The following GHR variants were observed in gnomAD, a reference collection of about 807,000 sequenced individuals.
GHR encodes growth hormone receptor.
A neutral mutation model predicts 67.1 loss-of-function variants in GHR; 35 were observed. The ratio of observed to expected loss-of-function variants is 0.52; its 90% CI spans 0.40 to 0.69. GHR has a LOEUF of 0.69. GHR is among the 30% of genes least tolerant of loss of function. GHR has a pLI of 0.00. For missense variants in GHR, 792 were observed against 764.6 expected (o/e 1.04, Z -0.42); for synonymous variants, 272 against 269.1 (o/e 1.01, Z -0.10).
intron 3 of GHR, among the ~76,000 whole-genome samples, chr5:42,634,197 A>G (rs1754059167): frequency 6.6e-6 from 1 of 152,036 alleles, no homozygotes; most frequent in South Asian, 2.1e-4. Context: ...TGAGAATTAT[A>G]AGTGTTGATA....
intron 1 of GHR, among the ~76,000 whole-genome samples, chr5:42,464,768 T>C (rs962704833): frequency 1.3e-5 from 2 of 152,204 alleles, no homozygotes; most frequent in Admixed American, 6.5e-5. Context: ...AATGGCTGTG[T>C]GTGCACACAC....
At chr5:42,660,541 G>C (rs1348338828) in intron 3 of GHR, among the ~76,000 whole-genome samples, 1 of 152,198 alleles carries the variant, frequency 6.6e-6, no homozygotes, top group African/African-American at 2.4e-5. Flanking sequence ...CAGACCTGCA[G>C]CTGAGGGTCC....
At position 42,688,993 on chromosome 5, in the gene GHR, A is replaced by T; in HGVS notation, c.240A>T (p.Gly80=). Reference sequence around the variant, plus strand: ...TTCATCATGGTACAAAGAACCTAGGACCCATACAGCTGTTCTATACCAGAA... The same window carrying T: ...TTCATCATGGTACAAAGAACCTAGGTCCCATACAGCTGTTCTATACCAGAA... ...DEVHHGTKNL[G]PIQLFYTRRN... The change falls in exon 4 of 10, where the codon GGA becomes GGT. Residue 80 remains glycine (G), a synonymous_variant. Coordinates refer to ENST00000230882, the MANE Select transcript of GHR (RefSeq NM_000163.5). 1 of 1,613,738 alleles carries T rather than the reference A, an allele frequency of 6.2e-7. No homozygotes were observed. The highest frequency in any genetic ancestry group is 8.5e-7 in the Non-Finnish European group (1 of 1,179,656).
intron 3 of GHR, among the ~76,000 whole-genome samples, chr5:42,665,249 T>A (rs1465159879): frequency 6.6e-6 from 1 of 152,158 alleles, no homozygotes; most frequent in Non-Finnish European, 1.5e-5. Context: ...CATTACTGGG[T>A]ATATACCCAA....
intron 5 of GHR, among the ~76,000 whole-genome samples, chr5:42,696,034 G>T (rs932958127): frequency 6.6e-6 from 1 of 152,232 alleles, no homozygotes; most frequent in Non-Finnish European, 1.5e-5. Context: ...CAATTGCTTT[G>T]CAAAGACAAT....
At chr5:42,651,684 A>G (rs1387457357) in intron 3 of GHR, among the ~76,000 whole-genome samples, 1 of 152,176 alleles carries the variant, frequency 6.6e-6, no homozygotes, top group Non-Finnish European at 1.5e-5. Flanking sequence ...TTAATCCAGA[A>G]GATGGATGGT....
chr5:42,564,213 A>T (rs11740039), intron 1 of GHR, among the ~76,000 whole-genome samples: 13 of 97,866 alleles, frequency 1.3e-4, no homozygotes, highest in Admixed American at 3.8e-4. Context: ...AATCTCACAA[A>T]GTGTGAGATT....
chr5:42,545,440 A>G (rs1748694918), intron 1 of GHR, among the ~76,000 whole-genome samples: 4 of 152,226 alleles, frequency 2.6e-5, no homozygotes, highest in Admixed American at 2.6e-4. Context: ...TGTTAGAGAC[A>G]AAAAAGGAAT....
At chr5:42,544,624 G>T (rs796690876) in intron 1 of GHR, among the ~76,000 whole-genome samples, 2 of 152,100 alleles carry the variant, frequency 1.3e-5, no homozygotes, top group Non-Finnish European at 2.9e-5. Flanking sequence ...AACTAGAAGC[G>T]ATCTATATCA....
intron 6 of GHR, among the ~76,000 whole-genome samples, chr5:42,702,732 G>A (rs1371222303): frequency 6.6e-6 from 1 of 151,782 alleles, no homozygotes; most frequent in Non-Finnish European, 1.5e-5. Context: ...TTTGAAAATA[G>A]CCATCCTAAC....
chr5:42,719,170 C>T lies in GHR; in HGVS notation c.1663C>T (p.His555Tyr), dbSNP rs767499441. 13 of 1,614,024 alleles carry T rather than the reference C, an allele frequency of 8.1e-6. No homozygotes were observed. The highest frequency in any genetic ancestry group is 1.0e-5 in the Non-Finnish European group (12 of 1,180,014). ...PVAPHIKVES[H>Y]IQPSLNQEDI... ...GGCTCCTCACATCAAGGTTGAATCA[C>T]ACATACAGCCAAGCTTAAACCAAGA... Residue 555 changes from histidine to tyrosine, a missense_variant, in exon 10 of 10, where the codon CAC becomes TAC. Transcript: ENST00000230882.
intron 1 of GHR, among the ~76,000 whole-genome samples, chr5:42,427,344 C>T (rs1324022591): frequency 6.6e-6 from 1 of 152,192 alleles, no homozygotes; most frequent in Non-Finnish European, 1.5e-5. Flanking sequence ...AAAGGCATGT[C>T]TTACATGACA....
At chr5:42,486,711 G>A (rs1013557120) in intron 1 of GHR, among the ~76,000 whole-genome samples, 13 of 152,108 alleles carry the variant, frequency 8.5e-5, no homozygotes, top group Non-Finnish European at 1.5e-4. Context: ...ACCGGGCGTC[G>A]TGGCGGGCAC....
At chr5:42,677,740 A>G (rs1177271021) in intron 3 of GHR, among the ~76,000 whole-genome samples, 1 of 152,204 alleles carries the variant, frequency 6.6e-6, no homozygotes, top group Non-Finnish European at 1.5e-5. Flanking sequence ...TTCATCAGCT[A>G]TCGTTAGTGT....
intron 1 of GHR, among the ~76,000 whole-genome samples, chr5:42,535,442 G>C (rs1362478924): frequency 6.6e-6 from 1 of 151,900 alleles, no homozygotes; most frequent in Non-Finnish European, 1.5e-5. Flanking sequence ...GTTTTTGTTT[G>C]CTTTGTCTAA....
intron 3 of GHR, among the ~76,000 whole-genome samples, chr5:42,674,613 C>T (rs2112915088): frequency 6.6e-6 from 1 of 152,164 alleles, no homozygotes; most frequent in East Asian, 1.9e-4. Context: ...AATATGTGGC[C>T]TTTTATGTCT....
intron 1 of GHR, among the ~76,000 whole-genome samples, chr5:42,496,450 C>T (rs1444789255): frequency 6.6e-6 from 1 of 151,940 alleles, no homozygotes; most frequent in Non-Finnish European, 1.5e-5. Context: ...ATAGCATGTG[C>T]ATCTATATCA....
chr5:42,700,913 T>C (rs1757899848), intron 6 of GHR, among the ~76,000 whole-genome samples: 1 of 152,230 alleles, frequency 6.6e-6, no homozygotes, highest in Non-Finnish European at 1.5e-5. Context: ...TTAATTTAGA[T>C]ATCTGTTCTG....
At chr5:42,526,083 A>G (rs1260874844) in intron 1 of GHR, among the ~76,000 whole-genome samples, 1 of 152,240 alleles carries the variant, frequency 6.6e-6, no homozygotes, top group Non-Finnish European at 1.5e-5. Flanking sequence ...AATATAGGCT[A>G]AAAGCTAGGC....
Sources: allele counts gnomAD v4.1 joint callset (sites outside exome capture counted in the v4.1 genomes callset), GRCh38; gene constraint gnomAD v4.1.1; transcripts MANE v1.5; gene names NCBI Gene and HGNC (gene_info 2026-07-23, HGNC 2026-07-21).